DNAH10: variants seen among roughly 807,000 people sequenced by gnomAD.
DNAH10 encodes axonemal beta dynein heavy chain 10.
DNAH10 carries 348 observed loss-of-function variants against 506.6 expected under a neutral mutation model. The observed-to-expected ratio is 0.69, with a 90% CI of 0.63 to 0.75. The LOEUF is 0.75. Among genes scored for constraint, DNAH10 ranks in the 30% least tolerant of loss-of-function variants. The probability of loss-of-function intolerance (pLI) is 0.00; values close to 1 mark genes in which losing one functional copy is unlikely to be tolerated. For missense variants in DNAH10, 5,179 were observed against 5,787.1 expected, an observed-to-expected ratio of 0.89 and a Z score of 3.41; for synonymous variants, 2,059 against 2,198.6, an observed-to-expected ratio of 0.94 and a Z score of 1.78.
intron 21 of DNAH10, among the ~76,000 whole-genome samples, chr12:123,816,956 A>G (rs1370245565): frequency 2.0e-5 from 3 of 152,086 alleles, no homozygotes; most frequent in African/African-American, 7.2e-5. Flanking sequence ...TAGTTTGTTG[A>G]TCTTTTGGAA....
intron 15 of DNAH10, among the ~76,000 whole-genome samples, chr12:123,800,919 A>C (rs1958459600): frequency 6.6e-6 from 1 of 152,036 alleles, no homozygotes; most frequent in Non-Finnish European, 1.5e-5. Flanking sequence ...TGGGAGGCTG[A>C]GGCAGGAGAA....
At chr12:123,887,078 C>T (rs1431198394) in intron 51 of DNAH10, 64 bp from the exon 52 acceptor site, 47 of 1,511,456 alleles carry the variant, frequency 3.1e-5, no homozygotes, top group Non-Finnish European at 4.2e-5. Context: ...GTCCCCACCC[C>T]GGAGCCCGCA....
At position 123,861,054 on chromosome 12, in the gene DNAH10, C is replaced by T. The variant is rs371617031; in HGVS notation, c.6792C>T (p.Ala2264=). ...TTKLYILNPK[A]VSVIELYGIL... The stretch of plus-strand genomic sequence containing the variant: ...AGTTGTACATCCTGAACCCCAAAGC[C>T]GTGAGTGTCATAGAACTCTACGGCA... Residue 2264 remains alanine (A), a synonymous_variant, in exon 39 of 79, where the codon GCC becomes GCT. Transcript: ENST00000673944. The T allele has an allele frequency of 9.0e-5, 145 of 1,613,810 alleles. No individual in the cohort carries two copies. Among genetic ancestry groups the T allele is most frequent in the African/African-American group, 2.9e-4 (22 of 74,896 alleles).
At position 123,914,351 on chromosome 12, in the gene DNAH10, C is replaced by G. The variant is rs1485784512; in HGVS notation, c.10375C>G (p.Leu3459Val). ...CAGGTGGCTGAACGACCTGGATGAG[C>G]TGATGCACCGGCGCGTGAAGCTGCT... ...NIRWLNDLDE[L>V]MHRRVKLLGD... The change falls in exon 61 of 79, where the codon CTG becomes GTG. Residue 3459 changes from leucine (L) to valine (V), a missense_variant. By Grantham distance (32) the Leu-to-Val change is conservative (BLOSUM62 1). Around this residue, in one of 3 missense-constraint regions of DNAH10, gnomAD observed 4,844 missense variants for 5,430.5 expected, o/e 0.89. Transcript: ENST00000673944. The G allele has an allele frequency of 5.6e-6, 9 of 1,613,088 alleles. No individual in the cohort carries two copies. In the South Asian group the frequency reaches 9.9e-5, roughly 18 times the overall value.
intron 62 of DNAH10, 139 bp downstream of exon 62, chr12:123,915,138 G>A: frequency 8.1e-7 from 1 of 1,237,478 alleles, no homozygotes; most frequent in Non-Finnish European, 1.1e-6. Flanking sequence ...CCCATGCGGA[G>A]CCCTCCCCCG....
intron 1 of DNAH10, among the ~76,000 whole-genome samples, chr12:123,764,093 T>C (rs529426880): frequency 9.2e-5 from 14 of 152,306 alleles, no homozygotes; most frequent in African/African-American, 3.4e-4. Context: ...CTTGAACTCC[T>C]GACCTAAAGT....
chr12:123,805,115 G>C (rs974404357), intron 18 of DNAH10, 75 bp downstream of exon 18: 11 of 1,452,388 alleles, frequency 7.6e-6, no homozygotes, highest in Non-Finnish European at 8.4e-6. Flanking sequence ...ACAGTTAGAG[G>C]GGGTGGCAAG....
intron 48 of DNAH10, 121 bp from the exon 49 acceptor site, chr12:123,879,143 A>G: frequency 1.3e-6 from 1 of 756,756 alleles, no homozygotes; most frequent in African/African-American, 1.8e-5. Context: ...GGGGGGCACG[A>G]CTGGAGAAAT....
At chr12:123,894,176 G>A (rs1038973679) in intron 53 of DNAH10, among the ~76,000 whole-genome samples, 9 of 139,570 alleles carry the variant, frequency 6.4e-5, no homozygotes, top group African/African-American at 1.6e-4. Flanking sequence ...CTGCAGCCTC[G>A]ACCTCCTGGG....
At position 123,893,330 on chromosome 12, in the gene DNAH10, G is replaced by A. The variant is rs1204718820; in HGVS notation, c.9093G>A (p.Glu3031=). 6.2e-7 allele frequency: 1 copy of A among 1,614,064 alleles called. No homozygotes were observed. The highest frequency in any genetic ancestry group is 8.5e-7 in the Non-Finnish European group (1 of 1,179,902). The change falls in exon 53 of 79, where the codon GAG becomes GAA. Residue 3031 remains glutamate (E), a synonymous_variant. Coordinates refer to ENST00000673944, the MANE Select transcript of DNAH10 (RefSeq NM_001372106.1). ...AGCAAGGCATGGGGCCGGCCAAGGA[G>A]TCTGTGTGGCAGTACTTCGTGAACA... is the stretch of plus-strand genomic sequence containing the variant. The part of the protein sequence containing the change: ...ALKQGMGPAK[E]SVWQYFVNKS...
chr12:123,793,938 G>T lies in DNAH10; in HGVS notation c.1816-4G>T, dbSNP rs1344008794. 11 of 1,190,822 alleles carry T rather than the reference G, an allele frequency of 9.2e-6. No homozygotes were observed. The Admixed American group carries it at 2.6e-4, about 29-fold the overall frequency. 73.8% of individuals were successfully genotyped at this position (1,190,822 alleles called of 1,614,324 possible). ...TGAGGGTTGTTTTGTTGATTTTTTT[G>T]CAGGTTATTGAGAAAGAAGCAAAAC... On this transcript the variant is annotated splice_region_variant and splice_polypyrimidine_tract_variant and intron_variant, in intron 11 of 78. Transcript: ENST00000673944.
intron 51 of DNAH10, 144 bp downstream of exon 51, chr12:123,881,957 T>A: frequency 1.3e-6 from 1 of 771,544 alleles, no homozygotes. Context: ...GTTTGTTTTA[T>A]TTTTTCTTGT....
chr12:123,779,251 G>A (rs974274297), intron 5 of DNAH10, among the ~76,000 whole-genome samples: 2 of 151,784 alleles, frequency 1.3e-5, no homozygotes, highest in Non-Finnish European at 2.9e-5. Flanking sequence ...ATGTTGCCCC[G>A]GCTGTTCTCG....
At chr12:123,771,360 A>T (rs903820150) in intron 2 of DNAH10, among the ~76,000 whole-genome samples, 1 of 152,210 alleles carries the variant, frequency 6.6e-6, no homozygotes, top group Non-Finnish European at 1.5e-5. Flanking sequence ...ACCTGAGAGA[A>T]CGCAGACACA....
intron 11 of DNAH10, among the ~76,000 whole-genome samples, chr12:123,792,585 G>A (rs924896242): frequency 6.6e-6 from 1 of 151,624 alleles, no homozygotes; most frequent in Admixed American, 6.6e-5. Context: ...TTGGCCTTCT[G>A]AGTAGCTGGG....
intron 21 of DNAH10, among the ~76,000 whole-genome samples, chr12:123,815,880 A>G (rs1386432283): frequency 6.6e-6 from 1 of 152,248 alleles, no homozygotes; most frequent in Non-Finnish European, 1.5e-5. Flanking sequence ...ACTATAAGCA[A>G]TGTAATATAA....
intron 33 of DNAH10, 82 bp downstream of exon 33, chr12:123,848,177 T>C: frequency 6.5e-7 from 1 of 1,531,154 alleles, no homozygotes; most frequent in Non-Finnish European, 8.8e-7. Context: ...CTCCTAGTCT[T>C]TGACATGGCG....
At chr12:123,924,549 G>GTAAC in intron 67 of DNAH10, 117 bp downstream of exon 67, 1 of 1,274,448 alleles carries the variant, frequency 7.8e-7, no homozygotes, top group Non-Finnish European at 1.1e-6. Context: ...CATTCAGTGT[G>GTAAC]TAACTGATGC....
intron 1 of DNAH10, among the ~76,000 whole-genome samples, chr12:123,764,603 A>G (rs1956949096): frequency 6.6e-6 from 1 of 152,168 alleles, no homozygotes; most frequent in South Asian, 2.1e-4. Context: ...TGTGTTTACT[A>G]GCACGTGTTT....
Sources: allele counts gnomAD v4.1 joint callset (sites outside exome capture counted in the v4.1 genomes callset), GRCh38; gene constraint gnomAD v4.1.1; regional missense constraint gnomAD v4.1.1; transcripts MANE v1.5; gene names NCBI Gene and HGNC (gene_info 2026-07-23, HGNC 2026-07-21).